Variants in SHANK2 observed in about 807,000 individuals in gnomAD.
The protein encoded by SHANK2 is SH3 and multiple ankyrin repeat domains protein 2.
A neutral mutation model predicts 133.7 loss-of-function variants in SHANK2; 43 were observed. The observed-to-expected ratio is 0.32, with a 90% CI of 0.25 to 0.41. The LOEUF is 0.41. SHANK2 is among the 10% of genes least tolerant of loss of function. The pLI, the probability that SHANK2 is intolerant of heterozygous loss-of-function variation, is 1.00. For missense variants in SHANK2, 1,994 were observed against 2,235.8 expected (o/e 0.89, Z 2.18); for synonymous variants, 1,017 against 952.8 (o/e 1.07, Z -1.24).
chr11:71,134,715 C>T (rs1476399854), intron 3 of SHANK2, among the ~76,000 whole-genome samples: 1 of 152,100 alleles, frequency 6.6e-6, no homozygotes, highest in Non-Finnish European at 1.5e-5. Context: ...GCTGGGATTA[C>T]AGGCATGAGC....
intron 14 of SHANK2, among the ~76,000 whole-genome samples, chr11:70,719,675 CTGGGATTTCAG>C (rs1946034028): frequency 6.6e-6 from 1 of 151,936 alleles, no homozygotes; most frequent in African/African-American, 2.4e-5. Flanking sequence ...CTGCTGCTCA[CTGGGATTTCAG>C]TGGGAGGCAG....
rs943608307 is a variant in SHANK2 at position 70,806,682 on chromosome 11, C to T, written c.1663+320G>A. On this transcript the variant is annotated intron_variant, in intron 13 of 25. Transcript: ENST00000601538. ...CATGCCAGGGCCCACCCCGACACTT[C>T]AGACTTAGGGGATGGAAAGGAGCTC... is the stretch of plus-strand genomic sequence containing the variant. Among the ~76,000 whole-genome samples, 42 of 152,198 alleles carry T rather than the reference C, an allele frequency of 2.8e-4. 2 individuals are homozygous for T. Among genetic ancestry groups the T allele is most frequent in the Admixed American group, 2.5e-3 (38 of 15,282 alleles).
intron 14 of SHANK2, among the ~76,000 whole-genome samples, chr11:70,769,328 C>T (rs979594159): frequency 5.9e-5 from 9 of 152,170 alleles, no homozygotes; most frequent in Admixed American, 2.0e-4. Flanking sequence ...GACATGTCCT[C>T]GTTTGGATGA....
At chr11:71,210,132 A>G (rs1555118650) in intron 2 of SHANK2, among the ~76,000 whole-genome samples, 2 of 147,392 alleles carry the variant, frequency 1.4e-5, no homozygotes, top group African/African-American at 5.0e-5. Context: ...CAGGGGCTGC[A>G]AAACCATCCC....
chr11:70,636,859 T>C (rs542336719), intron 17 of SHANK2, among the ~76,000 whole-genome samples: 63 of 152,242 alleles, frequency 4.1e-4, no homozygotes, highest in South Asian at 1.7e-3. Flanking sequence ...TATGTAAGCA[T>C]GTGTGAACAT....
At chr11:70,506,758 A>G (rs1374930838) in intron 17 of SHANK2, among the ~76,000 whole-genome samples, 1 of 151,994 alleles carries the variant, frequency 6.6e-6, no homozygotes, top group East Asian at 1.9e-4. Context: ...TCAGCATATT[A>G]TTGGGTCCGG....
intron 17 of SHANK2, among the ~76,000 whole-genome samples, chr11:70,594,077 C>T (rs189240525): frequency 6.6e-4 from 100 of 152,260 alleles, no homozygotes; most frequent in African/African-American, 2.3e-3. Context: ...CTGCCCGATT[C>T]GTAAATCGCT....
chr11:70,689,988 G>A (rs1361663657), intron 15 of SHANK2, among the ~76,000 whole-genome samples: 2 of 151,516 alleles, frequency 1.3e-5, no homozygotes, highest in African/African-American at 4.9e-5. Flanking sequence ...TGATAACTAG[G>A]GAATTTCCAG....
chr11:70,850,300 G>C lies in SHANK2; in HGVS notation c.1175-29618C>G, dbSNP rs75318484. ...CAGCTGCACCTGAAACTTGAACCTA[G>C]AGATGTCTGTCTCCAAGCTTCCACC... is the stretch of plus-strand genomic sequence containing the variant. On this transcript the variant is annotated intron_variant, in intron 11 of 25. Transcript: ENST00000601538. 3.1e-3 allele frequency among the ~76,000 whole-genome samples: 472 copies of C among 152,308 alleles called. 5 individuals carry two copies. The highest frequency in any genetic ancestry group is 0.011 in the African/African-American group (458 of 41,558).
chr11:70,884,153 C>T (rs527807336), intron 11 of SHANK2, among the ~76,000 whole-genome samples: 1 of 152,256 alleles, frequency 6.6e-6, no homozygotes, highest in Admixed American at 6.5e-5. Flanking sequence ...TGTGAATGCC[C>T]GAGTAGTGTT....
chr11:70,539,970 A>AC (rs1388492370), intron 17 of SHANK2, among the ~76,000 whole-genome samples: 1 of 150,592 alleles, frequency 6.6e-6, no homozygotes, highest in African/African-American at 2.4e-5. Flanking sequence ...GAGGAGCATC[A>AC]CCCCCCTCTG....
intron 12 of SHANK2, among the ~76,000 whole-genome samples, chr11:70,813,707 C>T (rs185183925): frequency 6.8e-4 from 103 of 152,240 alleles, no homozygotes; most frequent in African/African-American, 2.4e-3. Flanking sequence ...TCAAATGTTA[C>T]TAAATGCTAT....
At chr11:70,550,417 G>A (rs957282833) in intron 17 of SHANK2, among the ~76,000 whole-genome samples, 26 of 152,286 alleles carry the variant, frequency 1.7e-4, no homozygotes, top group Admixed American at 1.5e-3. Flanking sequence ...TGGGGCAGGG[G>A]ATGCTCTTCG....
Position 71,113,320 on chromosome 11 carries a change from C to T in SHANK2, c.456G>A (p.Glu152=). 6.4e-7 allele frequency: 1 copy of T among 1,551,720 alleles called. No homozygotes were observed. Among genetic ancestry groups the T allele is most frequent in the Non-Finnish European group, 8.7e-7 (1 of 1,146,994 alleles). Residue 152 remains glutamate (E), a synonymous_variant, in exon 5 of 26, where the codon GAG becomes GAA. Transcript: ENST00000601538. ...KRVYKQASLD[E]KQLAKLHTKT... ...TCGTGTGGAGCTTGGCCAACTGTTT[C>T]TCATCGAGACTGGCTTGTTTATACA... is the stretch of plus-strand genomic sequence containing the variant.
chr11:70,640,949 C>T (rs922890215), intron 17 of SHANK2, among the ~76,000 whole-genome samples: 1 of 152,218 alleles, frequency 6.6e-6, no homozygotes, highest in South Asian at 2.1e-4. Context: ...AGCCTCTTCG[C>T]TTGAGGCCTG....
At chr11:70,729,032 CTG>C (rs1485472511) in intron 14 of SHANK2, among the ~76,000 whole-genome samples, 25 of 152,124 alleles carry the variant, frequency 1.6e-4, no homozygotes, top group African/African-American at 6.0e-4. Context: ...TAGCAAAACC[CTG>C]TCTCTACTAA....
rs1952784375 is a variant in SHANK2 at position 71,150,929 on chromosome 11, CACA to C, written c.-12-3594_-12-3592del. ...AGAATCCTGAACTTAGGAGTTTTCA[CACA>C]ACATCTGGATTTCAGTCATCTCTAG... On this transcript the variant is annotated intron_variant, in intron 2 of 25. Transcript: ENST00000601538. Among the ~76,000 whole-genome samples, 3 of 152,140 alleles carry C rather than the reference CACA, an allele frequency of 2.0e-5. No individual in the cohort carries two copies. The South Asian group carries it at 6.2e-4, about 32-fold the overall frequency.
At chr11:70,866,696 G>C (rs1949364104) in intron 11 of SHANK2, among the ~76,000 whole-genome samples, 1 of 152,162 alleles carries the variant, frequency 6.6e-6, no homozygotes, top group South Asian at 2.1e-4. Flanking sequence ...CAGGGGCCCG[G>C]AGACACACAA....
Position 70,786,282 on chromosome 11 carries a change from T to C in SHANK2, c.1777+12161A>G, listed in dbSNP as rs550934095. ...TACAATGGAGCTGGGGGTAGGACAG[T>C]CTATTAGACCAAGCCTCACAAAGCA... On this transcript the variant is annotated intron_variant, in intron 14 of 25. Transcript: ENST00000601538. 2.0e-5 allele frequency among the ~76,000 whole-genome samples: 3 copies of C among 152,128 alleles called. No homozygotes were observed. In the South Asian group the frequency reaches 6.2e-4, roughly 32 times the overall value.
Sources: allele counts gnomAD v4.1 joint callset (sites outside exome capture counted in the v4.1 genomes callset), GRCh38; gene constraint gnomAD v4.1.1; transcripts MANE v1.5; gene names NCBI Gene and HGNC (gene_info 2026-07-23, HGNC 2026-07-21).